PTPRC: variants seen among roughly 807,000 people sequenced by gnomAD.
PTPRC encodes receptor-type tyrosine-protein phosphatase C.
PTPRC carries 44 observed loss-of-function variants against 155.9 expected under a neutral mutation model. The observed-to-expected ratio is 0.28, with a 90% confidence interval of 0.22 to 0.36. PTPRC has a LOEUF of 0.36. PTPRC is among the 10% of genes least tolerant of loss of function. PTPRC has a pLI of 1.00. For missense variants in PTPRC, 1,401 were observed against 1,564.6 expected (o/e 0.90, Z 1.76); for synonymous variants, 525 against 533.1 (o/e 0.98, Z 0.21).
intron 2 of PTPRC, among the ~76,000 whole-genome samples, chr1:198,671,228 A>G (rs556520383): frequency 7.6e-4 from 116 of 152,172 alleles, no homozygotes; most frequent in Admixed American, 2.5e-3. Flanking sequence ...ACTTCCATGC[A>G]TACACCAGTA....
intron 2 of PTPRC, among the ~76,000 whole-genome samples, chr1:198,685,942 C>A: frequency 6.6e-6 from 1 of 151,686 alleles, no homozygotes; most frequent in East Asian, 1.9e-4. Flanking sequence ...AAATAGCATC[C>A]CATTTTTTTT....
At position 198,704,483 on chromosome 1, in the gene PTPRC, T is replaced by C; in HGVS notation, c.670T>C (p.Ser224Pro). 6.2e-7 allele frequency: 1 copy of C among 1,614,098 alleles called. No homozygotes were observed. The highest frequency in any genetic ancestry group is 8.5e-7 in the Non-Finnish European group (1 of 1,179,982). The change falls in exon 8 of 33, where the codon TCT becomes CCT. Residue 224 changes from serine to proline, a missense_variant. Coordinates refer to ENST00000442510, the MANE Select transcript of PTPRC (RefSeq NM_002838.5). ...ISTTTIATTP[S>P]KPTCDEKYAN... ...TTTCTCCATTACAGCTACTACTCCA[T>C]CTAAGCCAACATGTGGTAAGTTTAT...
At chr1:198,751,291 T>TGAC (rs1655371332) in intron 29 of PTPRC, among the ~76,000 whole-genome samples, 2 of 152,062 alleles carry the variant, frequency 1.3e-5, no homozygotes, top group Admixed American at 6.6e-5. Context: ...TTAATGCTTG[T>TGAC]GACAGATATT....
At chr1:198,693,994 T>C in intron 3 of PTPRC, 1 of 1,544,212 alleles carries the variant, frequency 6.5e-7, no homozygotes, top group Non-Finnish European at 8.7e-7. Flanking sequence ...TGACACACAA[T>C]CACGAGGTGA....
intron 2 of PTPRC, chr1:198,666,984 C>T (rs569944527): frequency 6.6e-6 from 1 of 152,292 alleles, no homozygotes; most frequent in Admixed American, 6.5e-5. Flanking sequence ...CATAATAATG[C>T]CCTAAGCAAC....
intron 2 of PTPRC, among the ~76,000 whole-genome samples, chr1:198,669,844 C>T (rs61120715): frequency 0.038 from 5,732 of 152,084 alleles, 163 homozygotes; most frequent in East Asian, 0.13. Flanking sequence ...TTTCAAAATG[C>T]GACATCTTCT....
At chr1:198,666,286 A>T (rs577717122) in intron 2 of PTPRC, among the ~76,000 whole-genome samples, 3 of 151,490 alleles carry the variant, frequency 2.0e-5, no homozygotes, top group South Asian at 2.1e-4. Context: ...CATTGTGGAC[A>T]TCTATTCATG....
rs564946117 is a variant in PTPRC, at chr1:198,672,805, C to G, written c.74-19542C>G. On this transcript the variant is annotated intron_variant, in intron 2 of 32. Coordinates refer to ENST00000442510, the MANE Select transcript of PTPRC (RefSeq NM_002838.5). ...CACCATTTTAACTGTATTCTAAAAG[C>G]ATTTTACAGCCTGCTAATACATAAC... is the stretch of plus-strand genomic sequence containing the variant. Among the ~76,000 whole-genome samples the G allele has an allele frequency of 3.9e-5, 6 of 152,196 alleles. No individual in the cohort carries two copies. In the East Asian group the frequency reaches 1.2e-3, roughly 29 times the overall value.
chr1:198,680,139 G>A (rs1161816359), intron 2 of PTPRC: 17 of 409,670 alleles, frequency 4.1e-5, no homozygotes, highest in East Asian at 4.0e-4. Flanking sequence ...CAGGGAAGCC[G>A]GGGCTCATTT....
intron 12 of PTPRC, among the ~76,000 whole-genome samples, chr1:198,715,299 A>G (rs1021438779): frequency 1.3e-5 from 2 of 151,048 alleles, no homozygotes; most frequent in Admixed American, 6.6e-5. Context: ...ATTTTTTTGT[A>G]TTTTTAGTAG....
At chr1:198,663,471 A>G (rs1255523486) in intron 2 of PTPRC, among the ~76,000 whole-genome samples, 1 of 152,220 alleles carries the variant, frequency 6.6e-6, no homozygotes, top group Non-Finnish European at 1.5e-5. Context: ...GCCTGAATAC[A>G]TTGAGGTACT....
At chr1:198,688,858 G>A (rs1665773831) in intron 2 of PTPRC, among the ~76,000 whole-genome samples, 1 of 152,134 alleles carries the variant, frequency 6.6e-6, no homozygotes, top group Admixed American at 6.5e-5. Flanking sequence ...TGAGAGCATG[G>A]CCTGTAAAGT....
chr1:198,739,784 C>T (rs1245103510), intron 23 of PTPRC, among the ~76,000 whole-genome samples: 1 of 151,768 alleles, frequency 6.6e-6, no homozygotes, highest in Non-Finnish European at 1.5e-5. Flanking sequence ...ACACATTCTT[C>T]TCCTCAGCCC....
At chr1:198,749,573 C>T in intron 28 of PTPRC, 24 bp downstream of exon 28, 2 of 1,602,944 alleles carry the variant, frequency 1.2e-6, no homozygotes, top group Admixed American at 1.7e-5. Flanking sequence ...TTGCCAAAAC[C>T]CAAGATCCAA....
At chr1:198,680,176 G>C (rs1321804396) in intron 2 of PTPRC, 1 of 381,014 alleles carries the variant, frequency 2.6e-6, no homozygotes, top group Non-Finnish European at 4.7e-6. Context: ...ATTATTAAAG[G>C]CTTCACAAAC....
Position 198,748,152 on chromosome 1 carries a change from A to C in PTPRC, c.2891A>C (p.Asn964Thr). 1 of 1,608,456 alleles carries C rather than the reference A, an allele frequency of 6.2e-7. No homozygotes were observed. Among genetic ancestry groups the C allele is most frequent in the Non-Finnish European group, 8.5e-7 (1 of 1,177,578 alleles). ...YRSWRTQHIG[N>T]QEENKSKNRN... ...AGCTGGAGGACACAGCACATTGGAA[A>C]TCAAGAAGAAAATAAAAGTAAAAAC... is the stretch of plus-strand genomic sequence containing the variant. Residue 964 changes from asparagine to threonine, a missense_variant, in exon 27 of 33, where the codon AAT (asparagine) becomes ACT (threonine). Around this residue, in one of 3 missense-constraint regions of PTPRC, gnomAD observed 134 missense variants for 204.7 expected, o/e 0.65. Coordinates refer to ENST00000442510, the MANE Select transcript of PTPRC (RefSeq NM_002838.5).
rs531164121 is a variant in PTPRC, at chr1:198,742,298, G to A, written c.2628G>A (p.Glu876=). 12 of 1,612,364 alleles carry A rather than the reference G, an allele frequency of 7.4e-6. No homozygotes were observed. In the South Asian group the frequency reaches 1.2e-4, roughly 16 times the overall value. The change falls in exon 25 of 33, where the codon GAG becomes GAA. Residue 876 remains glutamate, a synonymous_variant. Coordinates refer to ENST00000442510, the MANE Select transcript of PTPRC (RefSeq NM_002838.5). ...CCATGCTAGAAGGCCTGGAAGCCGA[G>A]AACAAAGTGGATGTTTATGGTTATG... is the stretch of plus-strand genomic sequence containing the variant. The part of the protein sequence containing the change: ...IDAMLEGLEA[E]NKVDVYGYVV...
chr1:198,651,326 T>G (rs2102214484), intron 2 of PTPRC, among the ~76,000 whole-genome samples: 2 of 99,978 alleles, frequency 2.0e-5, no homozygotes, highest in Non-Finnish European at 4.1e-5. Context: ...GTGTGTGTAT[T>G]GGTTAAATAA....
chr1:198,725,955 T>A (rs973331849), intron 15 of PTPRC, among the ~76,000 whole-genome samples: 1 of 152,202 alleles, frequency 6.6e-6, no homozygotes, highest in African/African-American at 2.4e-5. Flanking sequence ...TCATTATAAA[T>A]CTATGGCATT....
Sources: gnomAD v4.1 joint callset for allele counts (sites outside exome capture counted in the v4.1 genomes callset) on GRCh38, gnomAD v4.1.1 for gene constraint, gnomAD v4.1.1 regional missense constraint, MANE v1.5 for transcripts, NCBI Gene and HGNC (gene_info 2026-07-23, HGNC 2026-07-21) for gene names.